Variants in CACNA1I observed in about 807,000 individuals in gnomAD.
CACNA1I encodes the protein calcium voltage-gated channel subunit alpha1 I.
A neutral mutation model predicts 201.6 loss-of-function variants in CACNA1I; 74 were observed. The ratio of observed to expected loss-of-function variants is 0.37; its 90% CI spans 0.30 to 0.45. CACNA1I has a LOEUF of 0.45. CACNA1I is among the 20% of genes least tolerant of loss of function. The pLI is 1.00. For synonymous variants in CACNA1I, 1,431 were observed against 1,345.2 expected (o/e 1.06, Z -1.40); for missense variants, 2,346 against 3,138.1 (o/e 0.75, Z 6.03).
rs1420348207 is a variant in CACNA1I at position 39,686,652 on chromosome 22, A to ATATGTG, written c.*248_*249insATGTGT. On this transcript the variant is annotated 3_prime_UTR_variant, in exon 37 of 37. Coordinates refer to ENST00000402142, the MANE Select transcript of CACNA1I (RefSeq NM_021096.4). Reference sequence around the variant, plus strand: ...CATATATATATATATATATATATATATGTGTATACACACACACATAGACAG... The same window carrying ATATGTG: ...CATATATATATATATATATATATATATATGTGTGTGTATACACACACACATAGACAG... The ATATGTG allele has an allele frequency of 2.1e-5, 3 of 143,904 alleles. No homozygotes were observed. The highest frequency in any genetic ancestry group is 6.9e-5 in the Admixed American group (1 of 14,394). The allele number at this position is 143,904 out of a possible 1,614,324, so 8.9% of individuals were successfully genotyped here.
Position 39,642,347 on chromosome 22 carries a change from G to A in CACNA1I, c.1057-450G>A, listed in dbSNP as rs138311741. On this transcript the variant is annotated intron_variant, in intron 6 of 36. Coordinates refer to ENST00000402142, the MANE Select transcript of CACNA1I (RefSeq NM_021096.4). ...GGGAAGGAGTTGGGGTGGGGTGGGG[G>A]GTGACAAAGTCACACCAGCCTCATT... is the stretch of plus-strand genomic sequence containing the variant. Among the ~76,000 whole-genome samples, 196 of 152,226 alleles carry A rather than the reference G, an allele frequency of 1.3e-3. 1 individual carries two copies. The highest frequency in any genetic ancestry group is 4.5e-3 in the African/African-American group (185 of 41,534).
At chr22:39,591,437 C>T (rs1432288489) in intron 1 of CACNA1I, among the ~76,000 whole-genome samples, 2 of 152,044 alleles carry the variant, frequency 1.3e-5, no homozygotes, top group Non-Finnish European at 2.9e-5. Context: ...GCTGGGATTA[C>T]AGATGTGAGC....
chr22:39,579,710 G>T (rs909880827), intron 1 of CACNA1I, among the ~76,000 whole-genome samples: 1 of 151,422 alleles, frequency 6.6e-6, no homozygotes, highest in Admixed American at 6.6e-5. Context: ...GCCATGGCGC[G>T]ATCTCTGCTC....
At chr22:39,580,966 C>T (rs745827840) in intron 1 of CACNA1I, among the ~76,000 whole-genome samples, 41 of 152,212 alleles carry the variant, frequency 2.7e-4, no homozygotes, top group African/African-American at 8.4e-4. Flanking sequence ...CATGTGGGAC[C>T]GCAGTACACC....
intron 21 of CACNA1I, 55 bp downstream of exon 21, chr22:39,664,978 C>G: frequency 6.4e-7 from 1 of 1,551,008 alleles, no homozygotes; most frequent in South Asian, 1.1e-5. Context: ...TACCGAGAAG[C>G]CACGGGTCGA....
rs558962857 is a variant in CACNA1I at position 39,649,219 on chromosome 22, C to T, written c.1568-282C>T. Among the ~76,000 whole-genome samples the T allele has an allele frequency of 3.7e-4, 56 of 152,294 alleles. No individual in the cohort carries two copies. The highest frequency in any genetic ancestry group is 1.1e-3 in the African/African-American group (47 of 41,566). ...GAGGGATGGCCGGTCAGCACGGATG[C>T]GCGCCCTGCACCGTGCTGGGCCCAT... On this transcript the variant is annotated intron_variant, in intron 9 of 36. Transcript: ENST00000402142. The surrounding 1 kb of genome is among the most constrained non-coding windows in gnomAD (Gnocchi z 7.3).
At position 39,648,648 on chromosome 22, in the gene CACNA1I, G is replaced by A. The variant is rs1039239800; in HGVS notation, c.1567+722G>A. ...TCTGGAGGCAAGTGTGGAAATGAAG[G>A]GTAGGCGTGACATGCTTTTCTTTCC... On this transcript the variant is annotated intron_variant, in intron 9 of 36. Transcript: ENST00000402142. The surrounding 1 kb of genome is among the most constrained non-coding windows in gnomAD (Gnocchi z 5.4). 6.6e-6 allele frequency among the ~76,000 whole-genome samples: 1 copy of A among 152,096 alleles called. No individual in the cohort carries two copies. Among genetic ancestry groups the A allele is most frequent in the Non-Finnish European group, 1.5e-5 (1 of 68,004 alleles).
At chr22:39,577,287 C>T (rs574459726) in intron 1 of CACNA1I, among the ~76,000 whole-genome samples, 9 of 152,378 alleles carry the variant, frequency 5.9e-5, no homozygotes, top group South Asian at 2.1e-4. Context: ...CTGCGCAGCT[C>T]GGCCTCCCAA....
chr22:39,608,387 G>T (rs981004087), intron 3 of CACNA1I, among the ~76,000 whole-genome samples: 1 of 152,140 alleles, frequency 6.6e-6, no homozygotes, highest in Admixed American at 6.5e-5. Context: ...GATATCTTGA[G>T]CCCAGGAGTT....
At chr22:39,653,406 C>T (rs1934711577) in intron 10 of CACNA1I, among the ~76,000 whole-genome samples, 1 of 152,206 alleles carries the variant, frequency 6.6e-6, no homozygotes. Context: ...TTTTGCTCCG[C>T]TCGCTCGGCT....
chr22:39,581,098 G>T (rs1932533523), intron 1 of CACNA1I, among the ~76,000 whole-genome samples: 1 of 152,212 alleles, frequency 6.6e-6, no homozygotes, highest in South Asian at 2.1e-4. Context: ...GGAACCTCTG[G>T]GGGGCATGAG....
chr22:39,649,220 G>A lies in CACNA1I; in HGVS notation c.1568-281G>A, dbSNP rs908412868. Among the ~76,000 whole-genome samples the A allele has an allele frequency of 3.9e-5, 6 of 152,206 alleles. No individual in the cohort carries two copies. The highest frequency in any genetic ancestry group is 8.8e-5 in the Non-Finnish European group (6 of 68,028). On this transcript the variant is annotated intron_variant, in intron 9 of 36. Transcript: ENST00000402142. The surrounding 1 kb of genome is among the most constrained non-coding windows in gnomAD (Gnocchi z 7.3). ...AGGGATGGCCGGTCAGCACGGATGC[G>A]CGCCCTGCACCGTGCTGGGCCCATC... is the stretch of plus-strand genomic sequence containing the variant.
At chr22:39,658,869 T>TC (rs1934906530) in intron 11 of CACNA1I, 62 bp from the exon 12 acceptor site, 1 of 1,393,114 alleles carries the variant, frequency 7.2e-7, no homozygotes, top group African/African-American at 1.4e-5. Flanking sequence ...TGTCTTCCTC[T>TC]CCCCCTGGCC....
intron 3 of CACNA1I, among the ~76,000 whole-genome samples, chr22:39,603,151 CAAA>C (rs11430018): frequency 2.3e-5 from 3 of 132,486 alleles, no homozygotes; most frequent in Admixed American, 7.8e-5. Flanking sequence ...AAGACCCTGT[CAAA>C]AAAAAAAAAA....
chr22:39,645,473 G>A (rs1934462550), intron 7 of CACNA1I, among the ~76,000 whole-genome samples: 1 of 152,160 alleles, frequency 6.6e-6, no homozygotes, highest in Admixed American at 6.5e-5. Context: ...GTCTCTTCCT[G>A]TGACTCTCAC....
chr22:39,614,558 C>T (rs1352127716), intron 3 of CACNA1I, among the ~76,000 whole-genome samples: 1 of 152,250 alleles, frequency 6.6e-6, no homozygotes, highest in African/African-American at 2.4e-5. Flanking sequence ...GGGCTCTTCC[C>T]TGCAGTCCTG....
chr22:39,605,939 A>G (rs1161856846), intron 3 of CACNA1I, among the ~76,000 whole-genome samples: 1 of 152,140 alleles, frequency 6.6e-6, no homozygotes, highest in Non-Finnish European at 1.5e-5. Flanking sequence ...CAAGGGCTTC[A>G]TTGCACAGGC....
At chr22:39,674,540 G>A (rs974813950) in intron 29 of CACNA1I, among the ~76,000 whole-genome samples, 18 of 152,162 alleles carry the variant, frequency 1.2e-4, no homozygotes, top group African/African-American at 4.3e-4. Flanking sequence ...ACCCAGGTGG[G>A]GATCTGAGAA....
chr22:39,683,051 T>A (rs1430064568), intron 35 of CACNA1I, among the ~76,000 whole-genome samples: 1 of 152,208 alleles, frequency 6.6e-6, no homozygotes, highest in Non-Finnish European at 1.5e-5. Context: ...CCCACAGATC[T>A]TCATATACAC....
Sources: allele counts gnomAD v4.1 joint callset (sites outside exome capture counted in the v4.1 genomes callset), GRCh38; gene constraint gnomAD v4.1.1; non-coding constraint Gnocchi (gnomAD v3.1); transcripts MANE v1.5; gene names NCBI Gene and HGNC (gene_info 2026-07-23, HGNC 2026-07-21).